The following MAGI3 variants were observed in gnomAD, a reference collection of about 807,000 sequenced individuals.
The protein encoded by MAGI3 is membrane-associated guanylate kinase, WW and PDZ domain-containing protein 3.
A neutral mutation model predicts 121.8 loss-of-function variants in MAGI3; 43 were observed. The observed-to-expected ratio is 0.35, with a 90% CI of 0.28 to 0.46. The LOEUF is 0.46. Among genes scored for constraint, MAGI3 ranks in the 20% least tolerant of loss-of-function variants. The pLI is 1.00. For missense variants in MAGI3, 1,547 were observed against 1,797.3 expected (o/e 0.86, Z 2.52); for synonymous variants, 553 against 639.3 (o/e 0.86, Z 2.04).
rs115266185 is a variant in MAGI3, at chr1:113,534,125, A to G, written c.317-15390A>G. 1.6e-3 allele frequency among the ~76,000 whole-genome samples: 240 copies of G among 152,170 alleles called. 2 individuals are homozygous for G. The highest frequency in any genetic ancestry group is 5.7e-3 in the African/African-American group (235 of 41,518). On this transcript the variant is annotated intron_variant, in intron 1 of 20. Transcript: ENST00000307546. ...ACTCTGCCTCCTATTTCACCAATAC[A>G]ATTTTCTGCTGCGCTGATTCTTCTA...
In MAGI3 at chr1:113,642,260, C is replaced by T; in HGVS notation, c.1710C>T (p.Gly570=). 6.2e-7 allele frequency: 1 copy of T among 1,614,168 alleles called. No homozygotes were observed. Among genetic ancestry groups the T allele is most frequent in the Non-Finnish European group, 8.5e-7 (1 of 1,180,034 alleles). ...AGAGAGTATCCATGGCATCGTCAGG[C>T]AGCTCCCAGCCTGAACTAGTGACTA... The part of the protein sequence containing the change: ...SEQRVSMASS[G]SSQPELVTIP... The change falls in exon 10 of 21, where the codon GGC becomes GGT. Residue 570 remains glycine (G), a synonymous_variant. Coordinates refer to ENST00000307546, the MANE Select transcript of MAGI3 (RefSeq NM_001142782.2).
intron 2 of MAGI3, 21 bp from the exon 3 acceptor site, chr1:113,580,519 CTT>C: frequency 1.4e-6 from 2 of 1,458,342 alleles, no homozygotes; most frequent in Non-Finnish European, 1.9e-6. Flanking sequence ...TTACAACCTA[CTT>C]TTTTTTTTCT....
rs576396209 is a variant in MAGI3, at chr1:113,584,015, G to A, written c.554-1372G>A. Among the ~76,000 whole-genome samples the A allele has an allele frequency of 1.7e-3, 265 of 152,150 alleles. 3 individuals carry two copies. The highest frequency in any genetic ancestry group is 3.3e-3 in the Non-Finnish European group (223 of 67,994). ...CACAATTTAAGGTAAACTATGTAAT[G>A]TCTAGATTTGTCTCAGCATTATGGG... is the stretch of plus-strand genomic sequence containing the variant. On this transcript the variant is annotated intron_variant, in intron 3 of 20. Transcript: ENST00000307546.
At chr1:113,462,438 C>A (rs1655081491) in intron 1 of MAGI3, among the ~76,000 whole-genome samples, 1 of 152,106 alleles carries the variant, frequency 6.6e-6, no homozygotes, top group South Asian at 2.1e-4. Flanking sequence ...GGCTATTATC[C>A]TTAACAAACT....
chr1:113,518,522 T>C (rs562724724), intron 1 of MAGI3, among the ~76,000 whole-genome samples: 7 of 152,210 alleles, frequency 4.6e-5, no homozygotes, highest in African/African-American at 1.7e-4. Context: ...GTATCTTTAA[T>C]GTAGATGTTT....
At chr1:113,439,209 C>T (rs776740079) in intron 1 of MAGI3, among the ~76,000 whole-genome samples, 25 of 152,174 alleles carry the variant, frequency 1.6e-4, no homozygotes, top group Non-Finnish European at 3.1e-4. Context: ...TGGAACAGCA[C>T]GAGATTGCTA....
Position 113,649,323 on chromosome 1 carries a change from C to A in MAGI3, c.2242C>A (p.Gln748Lys). Residue 748 changes from glutamine to lysine, a missense_variant, in exon 13 of 21, where the codon CAG (glutamine) becomes AAG (lysine). Coordinates refer to ENST00000307546, the MANE Select transcript of MAGI3 (RefSeq NM_001142782.2). Reference sequence around the variant, plus strand: ...GGTGCTAGGAGGAGATGGACCTGACCAGTCTGTAAGTGTCACTTCTTTGGA... The same window carrying A: ...GGTGCTAGGAGGAGATGGACCTGACAAGTCTGTAAGTGTCACTTCTTTGGA... ...FRVLGGDGPD[Q>K]SIYIGAIIPL... 6.2e-7 allele frequency: 1 copy of A among 1,607,480 alleles called. No individual in the cohort carries two copies. The highest frequency in any genetic ancestry group is 2.2e-5 in the East Asian group (1 of 44,624).
rs1652221728 is a variant in MAGI3, at chr1:113,414,928, G to A, written c.316+23579G>A. On this transcript the variant is annotated intron_variant, in intron 1 of 20. Transcript: ENST00000307546. ...GCTGGATATTATAAAAGACTTTAGA[G>A]TTCCTTTTATACCTGTAACACTAAT... Among the ~76,000 whole-genome samples the A allele has an allele frequency of 2.0e-5, 3 of 152,010 alleles. No individual in the cohort carries two copies. In the South Asian group the frequency reaches 6.2e-4, roughly 32 times the overall value.
Position 113,391,676 on chromosome 1 carries a change from T to C in MAGI3, c.316+327T>C, listed in dbSNP as rs1367493572. 1.3e-5 allele frequency among the ~76,000 whole-genome samples: 2 copies of C among 152,144 alleles called. No homozygotes were observed. The highest frequency in any genetic ancestry group is 2.9e-5 in the Non-Finnish European group (2 of 68,020). On this transcript the variant is annotated intron_variant, in intron 1 of 20. Transcript: ENST00000307546. The surrounding 1 kb of genome is among the most constrained non-coding windows in gnomAD (Gnocchi z 4.4). ...TGACTAGAGAAGGCCAGCCTTTTCC[T>C]GTGTTGTGCAAAAAGGCCCTTAGGA...
chr1:113,607,606 A>G (rs1649858515), intron 6 of MAGI3, among the ~76,000 whole-genome samples: 2 of 152,140 alleles, frequency 1.3e-5, no homozygotes, highest in South Asian at 4.1e-4. Context: ...AAATCATGAT[A>G]ATTGCTTGTT....
At chr1:113,605,304 C>T (rs1172041402) in intron 6 of MAGI3, among the ~76,000 whole-genome samples, 1 of 152,048 alleles carries the variant, frequency 6.6e-6, no homozygotes, top group East Asian at 1.9e-4. Flanking sequence ...TAAAATACTA[C>T]TCATGAGTAA....
intron 1 of MAGI3, among the ~76,000 whole-genome samples, chr1:113,546,557 G>A (rs558282516): frequency 2.6e-5 from 4 of 151,930 alleles, no homozygotes; most frequent in Admixed American, 1.3e-4. Context: ...GGCTGGTCTC[G>A]ATCTCCTGAC....
intron 6 of MAGI3, 132 bp downstream of exon 6, chr1:113,594,692 A>G (rs938825970): frequency 1.1e-5 from 6 of 550,910 alleles, no homozygotes; most frequent in African/African-American, 1.9e-5. Context: ...GTGGGTGGAT[A>G]TCATAATCAA....
intron 1 of MAGI3, among the ~76,000 whole-genome samples, chr1:113,452,262 G>A (rs539396589): frequency 3.3e-5 from 5 of 152,068 alleles, no homozygotes; most frequent in Non-Finnish European, 7.4e-5. Flanking sequence ...AAGGTTCAGT[G>A]AAGTCATTTG....
intron 1 of MAGI3, among the ~76,000 whole-genome samples, chr1:113,399,136 A>T (rs1651272102): frequency 6.6e-6 from 1 of 152,038 alleles, no homozygotes; most frequent in South Asian, 2.1e-4. Context: ...CTAGACTGTC[A>T]GTGTAGCGGT....
chr1:113,631,737 T>C (rs1005942023), intron 9 of MAGI3, among the ~76,000 whole-genome samples: 4 of 152,230 alleles, frequency 2.6e-5, no homozygotes, highest in African/African-American at 9.6e-5. Flanking sequence ...GTTTGCTTCC[T>C]TAATCTTACT....
At chr1:113,619,140 T>C (rs1650666776) in intron 7 of MAGI3, among the ~76,000 whole-genome samples, 1 of 152,224 alleles carries the variant, frequency 6.6e-6, no homozygotes, top group Non-Finnish European at 1.5e-5. Context: ...TAAATGCCAG[T>C]TGAACCTATG....
chr1:113,682,790 C>G, intron 20 of MAGI3, 107 bp from the exon 21 acceptor site: 1 of 1,444,972 alleles, frequency 6.9e-7, no homozygotes, highest in Non-Finnish European at 9.1e-7. Flanking sequence ...AATACTCAGG[C>G]TTTTTAAGCA....
intron 1 of MAGI3, among the ~76,000 whole-genome samples, chr1:113,528,015 A>G (rs527997174): frequency 6.6e-6 from 1 of 152,286 alleles, no homozygotes; most frequent in Admixed American, 6.5e-5. Context: ...AACCATTTCA[A>G]AGTAAATTGC....
Sources: gnomAD v4.1 joint callset for allele counts (sites outside exome capture counted in the v4.1 genomes callset) on GRCh38, gnomAD v4.1.1 for gene constraint, Gnocchi (gnomAD v3.1) non-coding constraint, MANE v1.5 for transcripts, NCBI Gene and HGNC (gene_info 2026-07-23, HGNC 2026-07-21) for gene names.